Variants in DIP2C observed in about 807,000 individuals in gnomAD.
DIP2C encodes the protein disco-interacting protein 2 homolog C.
A neutral mutation model predicts 192.4 loss-of-function variants in DIP2C; 33 were observed. The observed-to-expected ratio is 0.17, with a 90% CI of 0.13 to 0.23. The LOEUF (loss-of-function observed/expected upper bound fraction) is 0.23. DIP2C is among the 10% of genes least tolerant of loss of function. DIP2C has a pLI of 1.00. For synonymous variants in DIP2C, 979 were observed against 864.1 expected, an observed-to-expected ratio of 1.13 and a Z score of -2.33; for missense variants, 1,537 against 2,110.1, an observed-to-expected ratio of 0.73 and a Z score of 5.32.
chr10:647,542 A>C (rs1457437448), intron 1 of DIP2C, among the ~76,000 whole-genome samples: 2 of 145,180 alleles, frequency 1.4e-5, no homozygotes, highest in African/African-American at 5.2e-5. Flanking sequence ...GGATGGTGGG[A>C]GAGAACAGAG....
At chr10:446,262 T>C (rs1246668783) in intron 3 of DIP2C, among the ~76,000 whole-genome samples, 2 of 151,958 alleles carry the variant, frequency 1.3e-5, no homozygotes, top group South Asian at 2.1e-4. Context: ...ACACCTGTCA[T>C]GAAGAGTCTC....
chr10:416,827 T>C (rs910532275), intron 6 of DIP2C, among the ~76,000 whole-genome samples: 1 of 152,208 alleles, frequency 6.6e-6, no homozygotes, highest in Non-Finnish European at 1.5e-5. Context: ...CCCAGAGCTG[T>C]GGGCTTGGAC....
At chr10:312,457 C>G (rs1428620405) in intron 31 of DIP2C, among the ~76,000 whole-genome samples, 3 of 152,210 alleles carry the variant, frequency 2.0e-5, no homozygotes, top group Admixed American at 2.0e-4. Context: ...CACCCACCCA[C>G]AACCCCATGA....
At chr10:509,362 C>G (rs960989416) in intron 1 of DIP2C, among the ~76,000 whole-genome samples, 1 of 152,186 alleles carries the variant, frequency 6.6e-6, no homozygotes, top group Non-Finnish European at 1.5e-5. Context: ...CCAAGACCAG[C>G]AACAAGTATG....
intron 3 of DIP2C, among the ~76,000 whole-genome samples, chr10:466,729 A>C (rs1016938212): frequency 1.3e-5 from 2 of 151,896 alleles, no homozygotes; most frequent in African/African-American, 4.8e-5. Flanking sequence ...GGCAAAGGAC[A>C]TGAACAGACA....
chr10:364,916 T>G, intron 19 of DIP2C: 1 of 552,794 alleles, frequency 1.8e-6, no homozygotes, highest in Non-Finnish European at 3.6e-6. Flanking sequence ...AAAACCACAA[T>G]GTAAAAGACG....
At chr10:490,105 G>A (rs1427769893) in intron 1 of DIP2C, among the ~76,000 whole-genome samples, 2 of 50,434 alleles carry the variant, frequency 4.0e-5, no homozygotes, top group South Asian at 2.1e-3. Flanking sequence ...TGGCTCTGAC[G>A]GTGCCTGGTC....
Position 434,792 on chromosome 10 carries a change from C to T in DIP2C, c.394+6079G>A, listed in dbSNP as rs139342041. On this transcript the variant is annotated intron_variant, in intron 4 of 36. Coordinates refer to ENST00000280886, the MANE Select transcript of DIP2C (RefSeq NM_014974.3). ...TTTCCTCTCAATAGTTTAAATATTT[C>T]ACTCTACTTCTTGCTTTCGTGGTTT... Among the ~76,000 whole-genome samples, 85 of 152,264 alleles carry T rather than the reference C, an allele frequency of 5.6e-4. 1 individual carries two copies. The East Asian group carries it at 0.012, about 21-fold the overall frequency.
chr10:483,702 TGAGAGGGCCCA>T (rs1022208987), intron 2 of DIP2C, among the ~76,000 whole-genome samples: 4 of 152,242 alleles, frequency 2.6e-5, no homozygotes, highest in African/African-American at 9.6e-5. Context: ...AGAGGGCTCC[TGAGAGGGCCCA>T]GAGAGGAGGA....
intron 3 of DIP2C, among the ~76,000 whole-genome samples, chr10:448,251 A>G (rs1968470948): frequency 7.6e-6 from 1 of 131,368 alleles, no homozygotes; most frequent in African/African-American, 3.8e-5. Context: ...ACAGTGGGGC[A>G]GCAGGACCCA....
chr10:603,129 A>AGT (rs1409100987), intron 1 of DIP2C, among the ~76,000 whole-genome samples: 4 of 152,006 alleles, frequency 2.6e-5, no homozygotes, highest in Non-Finnish European at 4.4e-5. Flanking sequence ...CATTTGTGTT[A>AGT]ATAAAGTCTG....
chr10:570,924 C>T (rs1849755776), intron 1 of DIP2C, among the ~76,000 whole-genome samples: 1 of 152,258 alleles, frequency 6.6e-6, no homozygotes, highest in Non-Finnish European at 1.5e-5. Flanking sequence ...CCCTCCTCGC[C>T]AGGCTCTGCT....
At chr10:470,635 G>C (rs765713923) in intron 3 of DIP2C, among the ~76,000 whole-genome samples, 6 of 152,168 alleles carry the variant, frequency 3.9e-5, no homozygotes, top group African/African-American at 1.4e-4. Context: ...GGCATGATCC[G>C]AAGGTAAACA....
At chr10:404,821 T>G (rs1964689140) in intron 9 of DIP2C, among the ~76,000 whole-genome samples, 2 of 152,256 alleles carry the variant, frequency 1.3e-5, no homozygotes, top group African/African-American at 4.8e-5. Flanking sequence ...TGTACATCTA[T>G]GCGGATAAGC....
chr10:329,690 A>G (rs1957417945), intron 29 of DIP2C, 89 bp from the exon 30 acceptor site: 18 of 1,476,396 alleles, frequency 1.2e-5, no homozygotes, highest in South Asian at 1.1e-4. Flanking sequence ...ACTGACTCCA[A>G]GGAAAAGGAG....
chr10:616,399 T>C (rs1367971650), intron 1 of DIP2C, among the ~76,000 whole-genome samples: 1 of 152,220 alleles, frequency 6.6e-6, no homozygotes. Flanking sequence ...AGACGCAAAT[T>C]AATTTGCTTT....
chr10:318,766 A>G (rs943853135), intron 31 of DIP2C, among the ~76,000 whole-genome samples: 18 of 152,252 alleles, frequency 1.2e-4, no homozygotes, highest in Middle Eastern at 3.4e-3. Context: ...AAAATCCCCA[A>G]CAGCACCTTA....
At chr10:659,335 T>C (rs938070975) in intron 1 of DIP2C, among the ~76,000 whole-genome samples, 2 of 152,162 alleles carry the variant, frequency 1.3e-5, no homozygotes, top group Non-Finnish European at 2.9e-5. Flanking sequence ...GACACATACA[T>C]GCACAACACA....
At chr10:633,684 C>T (rs907904543) in intron 1 of DIP2C, among the ~76,000 whole-genome samples, 1 of 152,224 alleles carries the variant, frequency 6.6e-6, no homozygotes, top group Non-Finnish European at 1.5e-5. Context: ...TGGAACTTAT[C>T]CCAGTAACAG....
Sources: gnomAD v4.1 joint callset for allele counts (sites outside exome capture counted in the v4.1 genomes callset) on GRCh38, gnomAD v4.1.1 for gene constraint, MANE v1.5 for transcripts, NCBI Gene and HGNC (gene_info 2026-07-23, HGNC 2026-07-21) for gene names.